Variants in SPATA18 observed in about 807,000 individuals in gnomAD.
SPATA18 encodes the protein spermatogenesis associated 18.
A neutral mutation model predicts 68.1 loss-of-function variants in SPATA18; 54 were observed. That is an observed-to-expected ratio of 0.79 (90% confidence interval 0.64 to 0.99). The LOEUF (loss-of-function observed/expected upper bound fraction) is 0.99, where lower values mean the gene tolerates loss of function less well. Among genes scored for constraint, SPATA18 ranks in the 50% least tolerant of loss-of-function variants. The pLI, the probability that SPATA18 is intolerant of heterozygous loss-of-function variation, is 0.00. For synonymous variants in SPATA18, 242 were observed against 244.8 expected (o/e 0.99, Z 0.11); for missense variants, 724 against 681.1 (o/e 1.06, Z -0.70).
intron 11 of SPATA18, among the ~76,000 whole-genome samples, chr4:52,094,291 A>G (rs879630526): frequency 6.6e-6 from 1 of 152,222 alleles, no homozygotes; most frequent in East Asian, 1.9e-4. Flanking sequence ...CACTGAATTC[A>G]GTATGGCTGC....
chr4:52,073,488 G>A (rs1336901958), intron 6 of SPATA18, among the ~76,000 whole-genome samples: 6 of 152,124 alleles, frequency 3.9e-5, no homozygotes, highest in Admixed American at 1.3e-4. Flanking sequence ...CTAAAATAGG[G>A]CAAAAGTTAT....
At position 52,078,796 on chromosome 4, in the gene SPATA18, T is replaced by C. The variant is rs1349935131; in HGVS notation, c.1082T>C (p.Leu361Ser). The change falls in exon 8 of 13, where the codon TTG becomes TCG. Residue 361 changes from leucine to serine, a missense_variant. Transcript: ENST00000295213. ...TTCAAGATCCATGTGAGAAAATCGTTGACACCATCTTATGTGGGGTCGAAT... is the reference window on the plus strand; with the variant it reads ...TTCAAGATCCATGTGAGAAAATCGTCGACACCATCTTATGTGGGGTCGAAT... ...RHFKIHVRKS[L>S]TPSYVGSNDF... The C allele has an allele frequency of 6.2e-7, 1 of 1,607,900 alleles. No individual in the cohort carries two copies. The highest frequency in any genetic ancestry group is 1.7e-5 in the Admixed American group (1 of 59,950).
chr4:52,085,846 G>A (rs1447849953), intron 11 of SPATA18, among the ~76,000 whole-genome samples: 1 of 152,116 alleles, frequency 6.6e-6, no homozygotes, highest in African/African-American at 2.4e-5. Context: ...GGAGGTCGAG[G>A]CTGCAGTTAG....
chr4:52,075,488 C>T (rs1740256873), intron 6 of SPATA18, among the ~76,000 whole-genome samples: 1 of 152,010 alleles, frequency 6.6e-6, no homozygotes, highest in Non-Finnish European at 1.5e-5. Context: ...GAGTTTTTGT[C>T]TGATGTCTGG....
chr4:52,083,265 A>T, intron 10 of SPATA18: 1 of 985,360 alleles, frequency 1.0e-6, no homozygotes, highest in Non-Finnish European at 1.2e-6. Context: ...GTCCAGGATG[A>T]TGCCCACAGC....
At chr4:52,082,561 G>A (rs1290974479) in intron 10 of SPATA18, 51 bp downstream of exon 10, 1 of 1,613,302 alleles carries the variant, frequency 6.2e-7, no homozygotes, top group African/African-American at 1.3e-5. Flanking sequence ...TGATTCACAA[G>A]TTCGAGAACA....
In SPATA18 at chr4:52,094,983, A is replaced by G. The variant is rs371914055; in HGVS notation, c.*96A>G. 6.8e-7 allele frequency: 1 copy of G among 1,476,326 alleles called. No individual in the cohort carries two copies. Among genetic ancestry groups the G allele is most frequent in the African/African-American group, 1.4e-5 (1 of 72,154 alleles). The allele number at this position is 1,476,326 out of a possible 1,614,324, so 91.5% of individuals were successfully genotyped here. ...CTGTGTCTGCCTCAGACCTCACTTAAGATAATGTCAAAAGGCAATTCTGTG... is the reference window on the plus strand; with the variant it reads ...CTGTGTCTGCCTCAGACCTCACTTAGGATAATGTCAAAAGGCAATTCTGTG... On this transcript the variant is annotated 3_prime_UTR_variant, in exon 13 of 13. Transcript: ENST00000295213.
At chr4:52,053,387 C>T (rs1392212710) in intron 1 of SPATA18, among the ~76,000 whole-genome samples, 1 of 152,138 alleles carries the variant, frequency 6.6e-6, no homozygotes, top group African/African-American at 2.4e-5. Flanking sequence ...ACCTTGTGGC[C>T]ACTCCCCAGG....
At chr4:52,092,971 C>A (rs751199597) in intron 11 of SPATA18, among the ~76,000 whole-genome samples, 7 of 152,020 alleles carry the variant, frequency 4.6e-5, no homozygotes, top group Non-Finnish European at 8.8e-5. Context: ...GAGGGAACAG[C>A]AGACACTGGG....
At chr4:52,070,957 G>A (rs1032763205) in intron 5 of SPATA18, among the ~76,000 whole-genome samples, 1 of 151,216 alleles carries the variant, frequency 6.6e-6, no homozygotes, top group Admixed American at 6.6e-5. Context: ...CAATGGTTCT[G>A]ATTTGGTCAG....
chr4:52,061,001 G>A, intron 3 of SPATA18, 104 bp downstream of exon 3: 1 of 874,236 alleles, frequency 1.1e-6, no homozygotes, highest in Non-Finnish European at 1.8e-6. Context: ...GACTGATAGA[G>A]TGTCACAATT....
chr4:52,081,182 T>G (rs565453100), intron 9 of SPATA18, among the ~76,000 whole-genome samples: 1 of 152,328 alleles, frequency 6.6e-6, no homozygotes, highest in Non-Finnish European at 1.5e-5. Flanking sequence ...CATTTTAGTT[T>G]ATGGAATCTG....
intron 4 of SPATA18, among the ~76,000 whole-genome samples, chr4:52,065,818 A>G (rs570664666): frequency 1.3e-5 from 2 of 152,310 alleles, no homozygotes; most frequent in East Asian, 3.9e-4. Context: ...TTATGGGCAA[A>G]TGGCCACAAG....
intron 6 of SPATA18, among the ~76,000 whole-genome samples, chr4:52,074,167 T>A (rs1740109987): frequency 6.6e-6 from 1 of 152,216 alleles, no homozygotes; most frequent in Non-Finnish European, 1.5e-5. Context: ...TTGGAAATTA[T>A]GTTCAGGACA....
chr4:52,073,497 A>G (rs1289770730), intron 6 of SPATA18, among the ~76,000 whole-genome samples: 1 of 152,156 alleles, frequency 6.6e-6, no homozygotes, highest in Non-Finnish European at 1.5e-5. Flanking sequence ...GGCAAAAGTT[A>G]TGTGTGTGAA....
In SPATA18 at chr4:52,064,424, C is replaced by T. The variant is rs550944359; in HGVS notation, c.422+2092C>T. Among the ~76,000 whole-genome samples, 25 of 152,172 alleles carry T rather than the reference C, an allele frequency of 1.6e-4. No homozygotes were observed. In the South Asian group the frequency reaches 2.9e-3, roughly 18 times the overall value. ...AATATGTAGTCTTTTATCCCTCACC[C>T]TCCTCCTTCCTTTCCCTCCAAGTCC... On this transcript the variant is annotated intron_variant, in intron 4 of 12. Coordinates refer to ENST00000295213, the MANE Select transcript of SPATA18 (RefSeq NM_145263.4).
rs201717083 is a variant in SPATA18, at chr4:52,060,491, C to T, written c.160C>T (p.Leu54Phe). ...IEQVAKVQGQ[L>F]FGILTAAAQE... ...GCAAGTTGCCAAGGTGCAGGGACAA[C>T]TCTTTGGGATCCTCACAGCAGCAGC... is the stretch of plus-strand genomic sequence containing the variant. The change falls in exon 2 of 13, where the codon CTC becomes TTC. Residue 54 changes from leucine (L) to phenylalanine (F), a missense_variant. Transcript: ENST00000295213. 747 of 1,614,008 alleles carry T rather than the reference C, an allele frequency of 4.6e-4. 5 individuals are homozygous for T. The South Asian group carries it at 5.4e-3, about 12-fold the overall frequency.
intron 7 of SPATA18, 145 bp downstream of exon 7, chr4:52,077,185 T>C: frequency 2.3e-6 from 2 of 869,752 alleles, no homozygotes; most frequent in South Asian, 2.0e-5. Flanking sequence ...GTCTCCTTCC[T>C]TCTCTTTCTT....
chr4:52,078,561 CT>C (rs1740613418), intron 7 of SPATA18, 173 bp from the exon 8 acceptor site: 1 of 517,900 alleles, frequency 1.9e-6, no homozygotes, highest in Admixed American at 3.4e-5. Flanking sequence ...TGTTTATGTA[CT>C]TTTCAAAGTT....
Sources: gnomAD v4.1 joint callset for allele counts (sites outside exome capture counted in the v4.1 genomes callset) on GRCh38, gnomAD v4.1.1 for gene constraint, MANE v1.5 for transcripts, NCBI Gene and HGNC (gene_info 2026-07-23, HGNC 2026-07-21) for gene names.